Variants in SGO1 observed in about 807,000 individuals in gnomAD.
SGO1 encodes the protein serologically defined breast cancer antigen NY-BR-85.
Under a neutral mutation model 50.5 loss-of-function variants are expected in SGO1, and 39 were observed. The observed-to-expected ratio is 0.77, with a 90% CI of 0.60 to 1.01. The LOEUF (loss-of-function observed/expected upper bound fraction) is 1.01. Among genes scored for constraint, SGO1 ranks in the 50% least tolerant of loss-of-function variants. The probability of loss-of-function intolerance (pLI) is 0.00; values close to 1 mark genes in which losing one functional copy is unlikely to be tolerated. For synonymous variants in SGO1, 191 were observed against 205.1 expected (o/e 0.93, Z 0.59); for missense variants, 638 against 606.0 (o/e 1.05, Z -0.55).
At chr3:20,174,177 T>C (rs988716311) in intron 6 of SGO1, 72 bp downstream of exon 6, 5 of 1,155,084 alleles carry the variant, frequency 4.3e-6, no homozygotes, top group East Asian at 4.7e-5. Context: ...ATGGTAAGTA[T>C]AGTATATAAG....
At chr3:20,161,333 A>T in intron 8 of SGO1, 1 of 1,387,192 alleles carries the variant, frequency 7.2e-7, no homozygotes, top group Non-Finnish European at 9.4e-7. Context: ...AGCTCACAAT[A>T]AAAAATTAGA....
intron 3 of SGO1, among the ~76,000 whole-genome samples, chr3:20,179,000 A>T (rs1046672395): frequency 2.0e-5 from 3 of 152,210 alleles, no homozygotes; most frequent in African/African-American, 7.2e-5. Flanking sequence ...ATCATTGCAT[A>T]TCTGGCAAGA....
At position 20,170,158 on chromosome 3, in the gene SGO1, G is replaced by A. The variant is rs1000378532; in HGVS notation, c.*546C>T. On this transcript the variant is annotated 3_prime_UTR_variant, in exon 8 of 8. Transcript: ENST00000412997. ...GTGGCTCAGTAATCCCAGCACTTTG[G>A]GAGGCCGAGGTGGGCAGATCACCTG... is the stretch of plus-strand genomic sequence containing the variant. 56 of 957,912 alleles carry A rather than the reference G, an allele frequency of 5.8e-5. No homozygotes were observed. The highest frequency in any genetic ancestry group is 6.7e-5 in the Non-Finnish European group (54 of 805,028). 59.3% of individuals were successfully genotyped at this position (957,912 alleles called of 1,614,324 possible). A position where few individuals can be genotyped will look rare whatever the true frequency, so the allele number is the denominator to read the frequency against.
intron 6 of SGO1, among the ~76,000 whole-genome samples, chr3:20,173,859 T>C (rs953069558): frequency 1.3e-5 from 2 of 152,208 alleles, no homozygotes; most frequent in African/African-American, 4.8e-5. Flanking sequence ...TCAAATTTAA[T>C]ATAAAACAAG....
In SGO1 at chr3:20,174,975, G is replaced by T; in HGVS notation, c.556C>A (p.Pro186Thr). Reference protein sequence around the residue: ...GEAKSTDNVLPRTVSVRSSLK... With the variant: ...GEAKSTDNVLTRTVSVRSSLK... Reference sequence around the variant, plus strand: ...CTGCTACGAACAGATACAGTTCTAGGTAAGACATTATCAGTAGACTTAGCT... The same window carrying T: ...CTGCTACGAACAGATACAGTTCTAGTTAAGACATTATCAGTAGACTTAGCT... The change falls in exon 6 of 8, where the codon CCT (proline) becomes ACT (threonine). Residue 186 changes from proline to threonine, a missense_variant. Transcript: ENST00000412997. 1 of 1,612,124 alleles carries T rather than the reference G, an allele frequency of 6.2e-7. No individual in the cohort carries two copies. The highest frequency in any genetic ancestry group is 8.5e-7 in the Non-Finnish European group (1 of 1,179,002).
chr3:20,186,337 G>T (rs1464293810), upstream of SGO1: 1 of 152,356 alleles, frequency 6.6e-6, no homozygotes. Flanking sequence ...ATTCGCTCAA[G>T]TCCACATCCG....
upstream of SGO1, chr3:20,186,405 C>G (rs1211537500): frequency 6.6e-6 from 1 of 152,362 alleles, no homozygotes; most frequent in Non-Finnish European, 1.5e-5. Flanking sequence ...CCCGCCGGGA[C>G]TTTCTAATCA....
In SGO1 at chr3:20,174,363, G is replaced by A; in HGVS notation, c.1168C>T (p.Gln390Ter). 1 of 1,614,188 alleles carries A rather than the reference G, an allele frequency of 6.2e-7. No homozygotes were observed. Among genetic ancestry groups the A allele is most frequent in the South Asian group, 1.1e-5 (1 of 91,082 alleles). The part of the protein sequence containing the change: ...DLYLPTCKYI[Q>*]NPTSNSDRPV... ...CTATCTGAATTGCTCGTGGGATTCT[G>A]AATGTACTTGCAAGTGGGCAAATAG... Residue 390 changes from glutamine to a stop codon, truncating the protein, a stop_gained, in exon 6 of 8, where the codon CAG becomes TAG. Coordinates refer to ENST00000412997, the MANE Select transcript of SGO1 (RefSeq NM_001199251.3). LOFTEE classifies it high-confidence loss of function.
intron 3 of SGO1, among the ~76,000 whole-genome samples, chr3:20,182,551 A>G (rs757930656): frequency 1.3e-5 from 2 of 152,170 alleles, no homozygotes; most frequent in Non-Finnish European, 2.9e-5. Context: ...AAACTAGCTC[A>G]TCATTACTTT....
At chr3:20,185,041 G>C (rs1271903986) in intron 1 of SGO1, among the ~76,000 whole-genome samples, 1 of 152,000 alleles carries the variant, frequency 6.6e-6, no homozygotes, top group Admixed American at 6.6e-5. Context: ...ACTTAATCTT[G>C]AGTATTTCCT....
chr3:20,174,462 T>C lies in SGO1; in HGVS notation c.1069A>G (p.Asn357Asp). ...PFRQKVSNDS[N>D]REENNESEVS... Reference sequence around the variant, plus strand: ...TCAGACTCGTTGTTTTCTTCTCTATTAGAGTCATTGCTCACTTTTTGTCGG... The same window carrying C: ...TCAGACTCGTTGTTTTCTTCTCTATCAGAGTCATTGCTCACTTTTTGTCGG... The change falls in exon 6 of 8, where the codon AAT becomes GAT. Residue 357 changes from asparagine to aspartate, a missense_variant. Asn to Asp is a conservative substitution (Grantham distance 23). Coordinates refer to ENST00000412997, the MANE Select transcript of SGO1 (RefSeq NM_001199251.3). The C allele has an allele frequency of 6.8e-6, 11 of 1,614,180 alleles. No homozygotes were observed. The highest frequency in any genetic ancestry group is 8.5e-6 in the Non-Finnish European group (10 of 1,180,028).
At chr3:20,167,208 C>T (rs776987010), downstream of SGO1, among the ~76,000 whole-genome samples, 10 of 152,118 alleles carry the variant, frequency 6.6e-5, no homozygotes, top group Non-Finnish European at 1.2e-4. Flanking sequence ...TGTGCTGGGA[C>T]AACTGGTTAT....
At position 20,174,378 on chromosome 3, in the gene SGO1, T is replaced by C. The variant is rs1701118045; in HGVS notation, c.1153A>G (p.Thr385Ala). Residue 385 changes from threonine (T) to alanine (A), a missense_variant, in exon 6 of 8, where the codon ACT becomes GCT. Transcript: ENST00000412997. ...GTGGGATTCTGAATGTACTTGCAAGTGGGCAAATAGAGGTCATCGGAATCA... is the reference window on the plus strand; with the variant it reads ...GTGGGATTCTGAATGTACTTGCAAGCGGGCAAATAGAGGTCATCGGAATCA... ...GDDSDDLYLP[T>A]CKYIQNPTSN... 1.9e-6 allele frequency: 3 copies of C among 1,614,016 alleles called. No individual in the cohort carries two copies. In the African/African-American group the frequency reaches 4.0e-5, roughly 22 times the overall value.
chr3:20,181,158 C>A (rs1231148644), intron 3 of SGO1, among the ~76,000 whole-genome samples: 2 of 152,138 alleles, frequency 1.3e-5, no homozygotes. Context: ...CTGTCCACCC[C>A]CAACCTACCC....
intron 3 of SGO1, among the ~76,000 whole-genome samples, chr3:20,181,255 T>G (rs910325129): frequency 2.0e-5 from 3 of 152,240 alleles, no homozygotes; most frequent in African/African-American, 7.2e-5. Context: ...AAAGAACATT[T>G]AACTATATAC....
chr3:20,168,911 G>A (rs1001584591), downstream of SGO1: 6 of 984,098 alleles, frequency 6.1e-6, no homozygotes, highest in African/African-American at 1.0e-4. Flanking sequence ...GGGATTACAG[G>A]TGTTAGTAGT....
rs1446600479 is a variant in SGO1 at position 20,161,160 on chromosome 3, G to A, written c.1631C>T (p.Ser544Leu). 9 of 1,613,280 alleles carry A rather than the reference G, an allele frequency of 5.6e-6. No homozygotes were observed. In the African/African-American group the frequency reaches 8.0e-5, roughly 14 times the overall value. The change falls in exon 9 of 9, where the codon TCG becomes TTG. Residue 544 changes from serine (S) to leucine (L), a missense_variant. Transcript: ENST00000263753. ...ACATTTCCTACAGTCTGGGAATCTC[G>A]AAACAAATTCTCGAACATAATATAA...
downstream of SGO1, among the ~76,000 whole-genome samples, chr3:20,165,644 T>C (rs9849205): frequency 0.76 from 116,097 of 152,072 alleles, 45,523 homozygotes; most frequent in East Asian, 0.96. Context: ...GCAATTTGTT[T>C]CCACAGAGCA....
At chr3:20,176,408 A>G (rs1701394718) in intron 5 of SGO1, among the ~76,000 whole-genome samples, 193 bp downstream of exon 5, 1 of 152,212 alleles carries the variant, frequency 6.6e-6, no homozygotes, top group African/African-American at 2.4e-5. Flanking sequence ...TTCAGATTAC[A>G]GATTTGACAC....
Sources: allele counts gnomAD v4.1 joint callset (sites outside exome capture counted in the v4.1 genomes callset), GRCh38; gene constraint gnomAD v4.1.1; transcripts MANE v1.5; gene names NCBI Gene and HGNC (gene_info 2026-07-23, HGNC 2026-07-21).